Variants in SYNPR observed in about 807,000 individuals in gnomAD.
SYNPR encodes the protein synaptoporin.
A neutral mutation model predicts 32.9 loss-of-function variants in SYNPR; 23 were observed. The observed-to-expected ratio is 0.70, with a 90% CI of 0.50 to 0.99. SYNPR has a LOEUF of 0.99. Ranked by LOEUF, SYNPR falls within the 50% of genes least tolerant of loss-of-function variation. The pLI is 0.00. For missense variants in SYNPR, 318 were observed against 349.3 expected, an observed-to-expected ratio of 0.91 and a Z score of 0.71; for synonymous variants, 146 against 135.9, an observed-to-expected ratio of 1.07 and a Z score of -0.52.
At chr3:63,368,231 G>GT (rs1175719929) in intron 2 of SYNPR, among the ~76,000 whole-genome samples, 7 of 152,194 alleles carry the variant, frequency 4.6e-5, no homozygotes, top group Non-Finnish European at 8.8e-5. Context: ...ATCTGCCTTG[G>GT]TTAGCACATT....
intron 1 of SYNPR, among the ~76,000 whole-genome samples, chr3:63,248,722 T>C (rs138014452): frequency 6.6e-6 from 1 of 152,146 alleles, no homozygotes; most frequent in Non-Finnish European, 1.5e-5. Flanking sequence ...AACATTTGAA[T>C]TGAAACCAAA....
At chr3:63,205,124 C>T in the SYNPR span, among the ~76,000 whole-genome samples, 13 of 152,220 alleles carry the variant, frequency 8.5e-5, no homozygotes, top group African/African-American at 3.1e-4. Context: ...CAGACCTTGC[C>T]AGACTTGTAA....
intron 2 of SYNPR, among the ~76,000 whole-genome samples, chr3:63,312,359 C>A (rs1404118346): frequency 6.6e-6 from 1 of 151,994 alleles, no homozygotes; most frequent in Admixed American, 6.6e-5. Flanking sequence ...CAGCCTCCTA[C>A]CAGTTGGGAC....
At chr3:63,299,959 G>C (rs2086826937) in intron 2 of SYNPR, among the ~76,000 whole-genome samples, 3 of 152,088 alleles carry the variant, frequency 2.0e-5, no homozygotes, top group Admixed American at 2.0e-4. Flanking sequence ...GCACTTCCAT[G>C]TTTTTAACTT....
chr3:63,582,377 T>A (rs554269149), intron 4 of SYNPR, among the ~76,000 whole-genome samples: 1 of 152,058 alleles, frequency 6.6e-6, no homozygotes, highest in African/African-American at 2.4e-5. Context: ...TGGCATATAA[T>A]CAGATTTCAT....
intron 2 of SYNPR, among the ~76,000 whole-genome samples, chr3:63,298,288 G>A (rs34863040): frequency 1.4e-4 from 21 of 152,134 alleles, no homozygotes; most frequent in Non-Finnish European, 2.9e-4. Flanking sequence ...TCTTGCAAAG[G>A]TGGTTTCATC....
chr3:63,269,211 A>G (rs888009566), intron 3 of SYNPR, among the ~76,000 whole-genome samples: 2 of 152,212 alleles, frequency 1.3e-5, no homozygotes, highest in African/African-American at 2.4e-5. Context: ...AGACCAGGCC[A>G]AGTGCAGTGG....
intron 1 of SYNPR, among the ~76,000 whole-genome samples, chr3:63,248,263 A>G (rs2086306313): frequency 6.6e-6 from 1 of 152,164 alleles, no homozygotes; most frequent in Non-Finnish European, 1.5e-5. Flanking sequence ...CTCTCTGAAC[A>G]TGAGGCTCCA....
Position 63,548,004 on chromosome 3 carries a change from C to T in SYNPR, c.210-8539C>T, listed in dbSNP as rs769519584. On this transcript the variant is annotated intron_variant, in intron 3 of 5. Coordinates refer to ENST00000478300, the MANE Select transcript of SYNPR (RefSeq NM_001130003.2). ...AAATCACCATCATCATTCTAAATAG[C>T]ATCACCGAATACCATGCTTCAGGTA... 3.0e-4 allele frequency among the ~76,000 whole-genome samples: 45 copies of T among 152,166 alleles called. 1 individual carries two copies. The highest frequency in any genetic ancestry group is 8.3e-4 in the South Asian group (4 of 4,826).
At chr3:63,312,228 T>C (rs1523436) in intron 2 of SYNPR, among the ~76,000 whole-genome samples, 66,646 of 151,888 alleles carry the variant, frequency 0.44, 14,848 homozygotes, top group Middle Eastern at 0.52. Flanking sequence ...AGACATCCCT[T>C]TTTGCCTATG....
intron 2 of SYNPR, among the ~76,000 whole-genome samples, chr3:63,331,184 G>A: frequency 6.6e-6 from 1 of 152,088 alleles, no homozygotes; most frequent in South Asian, 2.1e-4. Context: ...TGAAGCCTCA[G>A]GATTCTTCCC....
chr3:63,362,050 A>C (rs1416690367), intron 2 of SYNPR, among the ~76,000 whole-genome samples: 1 of 152,196 alleles, frequency 6.6e-6, no homozygotes, highest in Non-Finnish European at 1.5e-5. Context: ...ATGGCCAATA[A>C]AATGTGAGAG....
intron 5 of SYNPR, chr3:63,610,546 C>T (rs538252422): frequency 1.0e-5 from 7 of 696,720 alleles, no homozygotes; most frequent in Non-Finnish European, 1.8e-5. Flanking sequence ...ACTGTGATTT[C>T]TGCTTTGGTG....
intron 3 of SYNPR, among the ~76,000 whole-genome samples, chr3:63,485,683 C>T (rs571524355): frequency 6.6e-6 from 1 of 152,248 alleles, no homozygotes; most frequent in South Asian, 2.1e-4. Flanking sequence ...TAATGACCTT[C>T]TAATAGAGAA....
intron 4 of SYNPR, among the ~76,000 whole-genome samples, chr3:63,570,882 G>T (rs1702873786): frequency 6.6e-6 from 1 of 152,150 alleles, no homozygotes; most frequent in Non-Finnish European, 1.5e-5. Flanking sequence ...CTTCATCAAG[G>T]ATAGGGTCTG....
chr3:63,366,233 C>T (rs776350322), intron 2 of SYNPR, among the ~76,000 whole-genome samples: 3 of 152,052 alleles, frequency 2.0e-5, no homozygotes, highest in African/African-American at 7.3e-5. Context: ...ATTCTTGGAA[C>T]AAAACCGAGG....
At chr3:63,207,389 G>C in the SYNPR span, among the ~76,000 whole-genome samples, 1 of 152,196 alleles carries the variant, frequency 6.6e-6, no homozygotes, top group African/African-American at 2.4e-5. Flanking sequence ...TCAAGAACCA[G>C]AGCAGGTGGA....
chr3:63,276,656 A>G (rs1035194112), upstream of SYNPR, among the ~76,000 whole-genome samples: 1 of 110,194 alleles, frequency 9.1e-6, no homozygotes, highest in African/African-American at 3.4e-5. Context: ...ATAATGGCTT[A>G]TTTTTGAAAC....
chr3:63,375,986 A>G (rs1329459534), intron 2 of SYNPR, among the ~76,000 whole-genome samples: 3 of 152,182 alleles, frequency 2.0e-5, no homozygotes, highest in Non-Finnish European at 4.4e-5. Context: ...AAGTAGCACC[A>G]CCAACCACTC....
Sources: gnomAD v4.1 joint callset for allele counts (sites outside exome capture counted in the v4.1 genomes callset) on GRCh38, gnomAD v4.1.1 for gene constraint, MANE v1.5 for transcripts, NCBI Gene and HGNC (gene_info 2026-07-23, HGNC 2026-07-21) for gene names.